The following SYNDIG1 variants were observed in gnomAD, a reference collection of about 807,000 sequenced individuals.
The protein encoded by SYNDIG1 is synapse differentiation inducing 1.
Under a neutral mutation model 19.4 loss-of-function variants are expected in SYNDIG1, and 9 were observed. The observed-to-expected ratio is 0.46, with a 90% CI of 0.28 to 0.81. The LOEUF is 0.81. Among genes scored for constraint, SYNDIG1 ranks in the 30% least tolerant of loss-of-function variants. The pLI is 0.12. For missense variants in SYNDIG1, 311 were observed against 343.3 expected, an observed-to-expected ratio of 0.91 and a Z score of 0.74; for synonymous variants, 141 against 145.9, an observed-to-expected ratio of 0.97 and a Z score of 0.24.
chr20:24,641,688 G>A (rs1003825667), intron 3 of SYNDIG1, among the ~76,000 whole-genome samples: 4 of 152,068 alleles, frequency 2.6e-5, no homozygotes, highest in Non-Finnish European at 4.4e-5. Context: ...GAGCTGGGCC[G>A]GCCTATACCA....
At chr20:24,547,818 A>G (rs2057610417) in intron 2 of SYNDIG1, among the ~76,000 whole-genome samples, 1 of 152,160 alleles carries the variant, frequency 6.6e-6, no homozygotes, top group South Asian at 2.1e-4. Flanking sequence ...TACAAAATAT[A>G]CAATTTGAGT....
intron 1 of SYNDIG1, among the ~76,000 whole-genome samples, chr20:24,489,664 T>C (rs1207120855): frequency 6.6e-6 from 1 of 152,060 alleles, no homozygotes; most frequent in African/African-American, 2.4e-5. Flanking sequence ...CACACACTTA[T>C]ATGGACACAG....
intron 3 of SYNDIG1, among the ~76,000 whole-genome samples, chr20:24,633,131 A>G (rs960477799): frequency 6.6e-6 from 1 of 152,172 alleles, no homozygotes; most frequent in African/African-American, 2.4e-5. Flanking sequence ...TGCTGCAGCA[A>G]GCTTACTGCC....
chr20:24,639,900 T>C (rs919695145), intron 3 of SYNDIG1, among the ~76,000 whole-genome samples: 2 of 152,232 alleles, frequency 1.3e-5, no homozygotes, highest in Non-Finnish European at 2.9e-5. Context: ...TATCTCACCA[T>C]ATGGACACAA....
chr20:24,484,092 C>T lies in SYNDIG1; in HGVS notation c.-79+14339C>T, dbSNP rs60103403. 1.1e-4 allele frequency among the ~76,000 whole-genome samples: 16 copies of T among 152,244 alleles called. No individual in the cohort carries two copies. In the East Asian group the frequency reaches 2.5e-3, roughly 24 times the overall value. On this transcript the variant is annotated intron_variant, in intron 1 of 3. Transcript: ENST00000376862. ...GTTTACTGAGATCCAGGTGCCCACA[C>T]GAGAAACAACAGATGGGGTCAGACG... is the stretch of plus-strand genomic sequence containing the variant.
intron 1 of SYNDIG1, among the ~76,000 whole-genome samples, chr20:24,538,609 A>T (rs539750888): frequency 6.6e-6 from 1 of 152,194 alleles, no homozygotes. Flanking sequence ...TCCTTTTGGT[A>T]TATATCCAGA....
intron 2 of SYNDIG1, among the ~76,000 whole-genome samples, chr20:24,559,570 C>T (rs2057895348): frequency 6.6e-6 from 1 of 152,194 alleles, no homozygotes. Context: ...GTTCCCAGGG[C>T]TCTCCGTCTT....
At chr20:24,514,834 A>T (rs910082757) in intron 1 of SYNDIG1, among the ~76,000 whole-genome samples, 1 of 152,158 alleles carries the variant, frequency 6.6e-6, no homozygotes, top group African/African-American at 2.4e-5. Context: ...TCTTCTCAAC[A>T]CCGCACCGCA....
intron 1 of SYNDIG1, among the ~76,000 whole-genome samples, chr20:24,537,033 A>G (rs1219780744): frequency 6.6e-6 from 1 of 152,054 alleles, no homozygotes; most frequent in African/African-American, 2.4e-5. Flanking sequence ...TCACACATCC[A>G]TCTGCCTGAA....
At chr20:24,636,644 A>G (rs2059319148) in intron 3 of SYNDIG1, among the ~76,000 whole-genome samples, 1 of 152,186 alleles carries the variant, frequency 6.6e-6, no homozygotes, top group Non-Finnish European at 1.5e-5. Context: ...AAAGGAGATG[A>G]TGGAGTGCCA....
chr20:24,547,051 C>T (rs955317414), intron 2 of SYNDIG1, among the ~76,000 whole-genome samples: 1 of 152,130 alleles, frequency 6.6e-6, no homozygotes, highest in Admixed American at 6.5e-5. Context: ...AGGGGGCCAC[C>T]TCATTGCCCT....
At chr20:24,612,601 A>T (rs991875480) in intron 3 of SYNDIG1, among the ~76,000 whole-genome samples, 1 of 152,246 alleles carries the variant, frequency 6.6e-6, no homozygotes, top group African/African-American at 2.4e-5. Context: ...GCTAGGAGAA[A>T]AGGCTTAAAG....
chr20:24,635,673 G>T (rs561113219), intron 3 of SYNDIG1, among the ~76,000 whole-genome samples: 1 of 152,124 alleles, frequency 6.6e-6, no homozygotes, highest in Non-Finnish European at 1.5e-5. Context: ...CACAAAACAC[G>T]TAGTTTTGTA....
intron 2 of SYNDIG1, among the ~76,000 whole-genome samples, chr20:24,559,818 A>G (rs531145661): frequency 1.3e-5 from 2 of 152,104 alleles, no homozygotes; most frequent in Non-Finnish European, 2.9e-5. Flanking sequence ...CCATTGTTTC[A>G]TATAAATAAG....
At chr20:24,609,027 A>T (rs2058806135) in intron 3 of SYNDIG1, among the ~76,000 whole-genome samples, 1 of 152,160 alleles carries the variant, frequency 6.6e-6, no homozygotes, top group African/African-American at 2.4e-5. Context: ...ATAGATTCTC[A>T]TGGGAATCCA....
chr20:24,624,367 C>T (rs1290894916), intron 3 of SYNDIG1, among the ~76,000 whole-genome samples: 2 of 151,836 alleles, frequency 1.3e-5, no homozygotes, highest in Non-Finnish European at 2.9e-5. Flanking sequence ...ATGTACTATG[C>T]TAACACTAAT....
intron 3 of SYNDIG1, among the ~76,000 whole-genome samples, chr20:24,622,724 T>G (rs1318267020): frequency 1.3e-5 from 2 of 152,154 alleles, no homozygotes; most frequent in Non-Finnish European, 2.9e-5. Flanking sequence ...GCCAAAAAGG[T>G]TGGCAACCAC....
chr20:24,475,467 C>T (rs192086034), intron 1 of SYNDIG1, among the ~76,000 whole-genome samples: 1 of 152,302 alleles, frequency 6.6e-6, no homozygotes. Context: ...CCTTATGGGT[C>T]GAGTGCCCCA....
chr20:24,645,874 C>T (rs919628170), intron 3 of SYNDIG1, among the ~76,000 whole-genome samples: 5 of 152,220 alleles, frequency 3.3e-5, no homozygotes, highest in Non-Finnish European at 5.9e-5. Context: ...ACACAGTGGG[C>T]TCTAGAGAGA....
Sources: gnomAD v4.1 joint callset for allele counts (sites outside exome capture counted in the v4.1 genomes callset) on GRCh38, gnomAD v4.1.1 for gene constraint, MANE v1.5 for transcripts, NCBI Gene and HGNC (gene_info 2026-07-23, HGNC 2026-07-21) for gene names.